The following AP1G1 variants were observed in gnomAD, a reference collection of about 807,000 sequenced individuals.
AP1G1 encodes the protein AP-1 complex subunit gamma-1.
A neutral mutation model predicts 108.3 loss-of-function variants in AP1G1; 7 were observed. The observed-to-expected ratio is 0.06, with a 90% CI of 0.04 to 0.12. The LOEUF is 0.12. Among genes scored for constraint, AP1G1 ranks in the 10% least tolerant of loss-of-function variants. The probability of loss-of-function intolerance (pLI) is 1.00; values close to 1 mark genes in which losing one functional copy is unlikely to be tolerated. For synonymous variants in AP1G1, 379 were observed against 353.5 expected (o/e 1.07, Z -0.81); for missense variants, 756 against 1,010.7 (o/e 0.75, Z 3.42).
intron 2 of AP1G1, among the ~76,000 whole-genome samples, chr16:71,778,807 A>G (rs2031889541): frequency 6.6e-6 from 1 of 152,222 alleles, no homozygotes. Flanking sequence ...AAAGGAGGGC[A>G]TCCGTTTTTC....
intron 1 of AP1G1, chr16:71,807,779 C>T: frequency 7.8e-7 from 1 of 1,283,940 alleles, no homozygotes; most frequent in South Asian, 1.2e-5. Context: ...TGTAAAGCAG[C>T]CCAACTCTCC....
intron 2 of AP1G1, among the ~76,000 whole-genome samples, chr16:71,783,730 C>G (rs1191893636): frequency 6.6e-6 from 1 of 152,128 alleles, no homozygotes; most frequent in Admixed American, 6.5e-5. Context: ...AAGCAGCACA[C>G]TACTGACATA....
At chr16:71,742,796 C>G (rs1346979446) in intron 19 of AP1G1, 1 of 151,936 alleles carries the variant, frequency 6.6e-6, no homozygotes, top group East Asian at 1.9e-4. Flanking sequence ...ATGGTGAAAC[C>G]CCATCTCTAA....
chr16:71,780,275 C>G (rs1176712670), intron 2 of AP1G1, among the ~76,000 whole-genome samples: 2 of 151,904 alleles, frequency 1.3e-5, no homozygotes, highest in Admixed American at 6.6e-5. Flanking sequence ...AGGCGTGAGC[C>G]ACCGCGCCGG....
intron 6 of AP1G1, among the ~76,000 whole-genome samples, chr16:71,768,722 T>G (rs1427558405): frequency 6.7e-6 from 1 of 148,310 alleles, no homozygotes; most frequent in Admixed American, 6.8e-5. Flanking sequence ...AAGACCATCC[T>G]GGCTAACACA....
At position 71,750,317 on chromosome 16, in the gene AP1G1, G is replaced by C; in HGVS notation, c.1300C>G (p.Arg434Gly). Reference protein sequence around the residue: ...RVLTTAGSYVRDDAVPNLIQL... With the variant: ...RVLTTAGSYVGDDAVPNLIQL... ...ATTAAATTGGGGACTGCATCATCAC[G>C]AACATAACTTCCTGCCTAAAAGGAA... is the stretch of plus-strand genomic sequence containing the variant. The change falls in exon 14 of 23, where the codon CGT becomes GGT. Residue 434 changes from arginine (R) to glycine (G), a missense_variant. Arg to Gly is a moderately radical substitution (Grantham distance 125). Transcript: ENST00000299980. 1.2e-6 allele frequency: 2 copies of C among 1,613,888 alleles called. No homozygotes were observed. The highest frequency in any genetic ancestry group is 1.7e-6 in the Non-Finnish European group (2 of 1,179,940).
chr16:71,780,883 G>A (rs1397472884), intron 2 of AP1G1, among the ~76,000 whole-genome samples: 1 of 149,408 alleles, frequency 6.7e-6, no homozygotes, highest in African/African-American at 2.5e-5. Context: ...GGGTTTCACC[G>A]TATTGCCCTG....
chr16:71,738,977 T>C lies in AP1G1; in HGVS notation c.2233A>G (p.Met745Val). ...GCAGCTTGGAAAACAAAGTCCGTCATATCTAGCTCTGTGCTGTTGGAGGCC... is the reference window on the plus strand; with the variant it reads ...GCAGCTTGGAAAACAAAGTCCGTCACATCTAGCTCTGTGCTGTTGGAGGCC... Reference protein sequence around the residue: ...IQASNSTELDMTDFVFQAAVP... With the variant: ...IQASNSTELDVTDFVFQAAVP... Residue 745 changes from methionine to valine, a missense_variant, in exon 21 of 23, where the codon ATG becomes GTG. This residue lies in a region of AP1G1 where 95 missense variants were observed against 160.5 expected (regional missense o/e 0.59). Coordinates refer to ENST00000299980, the MANE Select transcript of AP1G1 (RefSeq NM_001128.6). The C allele has an allele frequency of 1.2e-6, 2 of 1,614,138 alleles. No homozygotes were observed. Among genetic ancestry groups the C allele is most frequent in the Non-Finnish European group, 1.7e-6 (2 of 1,180,004 alleles).
intron 19 of AP1G1, among the ~76,000 whole-genome samples, chr16:71,740,509 T>C (rs776324118): frequency 1.3e-5 from 2 of 152,350 alleles, no homozygotes; most frequent in South Asian, 2.1e-4. Flanking sequence ...ATGTCTGTCA[T>C]CTTGATAATG....
intron 21 of AP1G1, among the ~76,000 whole-genome samples, chr16:71,736,537 C>T (rs1303262832): frequency 1.4e-5 from 2 of 147,478 alleles, no homozygotes; most frequent in Admixed American, 6.8e-5. Context: ...CCCGCCACCA[C>T]GCCCGGCTAA....
chr16:71,798,902 AAAG>A (rs1054179045), intron 1 of AP1G1, among the ~76,000 whole-genome samples: 1 of 152,130 alleles, frequency 6.6e-6, no homozygotes, highest in African/African-American at 2.4e-5. Flanking sequence ...GGAAAAAAAA[AAAG>A]GATAAATGAA....
chr16:71,760,101 G>A (rs564268001), intron 10 of AP1G1, among the ~76,000 whole-genome samples: 173 of 152,186 alleles, frequency 1.1e-3, no homozygotes, highest in African/African-American at 4.0e-3. Flanking sequence ...AAACTCTTGG[G>A]CTCAAGCGTT....
chr16:71,744,645 G>A (rs536163553), intron 19 of AP1G1, among the ~76,000 whole-genome samples: 10 of 138,216 alleles, frequency 7.2e-5, no homozygotes, highest in South Asian at 2.3e-4. Flanking sequence ...GCGCGATCTC[G>A]GCTCACTGCA....
chr16:71,768,911 C>CT (rs1319981144), intron 6 of AP1G1, among the ~76,000 whole-genome samples: 1 of 79,438 alleles, frequency 1.3e-5, no homozygotes, highest in African/African-American at 5.6e-5. Flanking sequence ...GAGCAAGACT[C>CT]TGTCTCAAAA....
chr16:71,806,727 T>C, intron 1 of AP1G1: 1 of 1,287,756 alleles, frequency 7.8e-7, no homozygotes, highest in Non-Finnish European at 1.0e-6. Context: ...GTTTGACAGT[T>C]CCTTTAAACC....
At chr16:71,755,926 G>A (rs2030762801) in intron 12 of AP1G1, 93 bp downstream of exon 12, 4 of 1,401,864 alleles carry the variant, frequency 2.9e-6, no homozygotes, top group Non-Finnish European at 3.9e-6. Flanking sequence ...CTGCAGGCGT[G>A]TGCCACCGCG....
rs1449360876 is a variant in AP1G1, at chr16:71,771,136, A to G, written c.565+20T>C. On this transcript the variant is annotated intron_variant, in intron 5 of 22. Transcript: ENST00000299980. ...CCCTTTCTCCCTCAATACTTCATGA[A>G]TACATCCAAATTACATTACCATGGT... 3 of 1,450,404 alleles carry G rather than the reference A, an allele frequency of 2.1e-6. No homozygotes were observed. Among genetic ancestry groups the G allele is most frequent in the East Asian group, 2.3e-5 (1 of 44,080 alleles). The allele number at this position is 1,450,404 out of a possible 1,614,324, so 89.8% of individuals were successfully genotyped here. A position where few individuals can be genotyped will look rare whatever the true frequency, so the allele number is the denominator to read the frequency against.
chr16:71,764,319 G>T, intron 9 of AP1G1, 31 bp downstream of exon 9: 1 of 1,349,412 alleles, frequency 7.4e-7, no homozygotes, highest in Non-Finnish European at 1.0e-6. Context: ...GAAACATTTA[G>T]GGGGGGAAGA....
chr16:71,756,979 A>G (rs1391488842), intron 11 of AP1G1, among the ~76,000 whole-genome samples: 1 of 149,372 alleles, frequency 6.7e-6, no homozygotes, highest in Non-Finnish European at 1.5e-5. Flanking sequence ...CATGAGAAGG[A>G]AAAAAAAAAT....
Sources: gnomAD v4.1 joint callset for allele counts (sites outside exome capture counted in the v4.1 genomes callset) on GRCh38, gnomAD v4.1.1 for gene constraint, gnomAD v4.1.1 regional missense constraint, MANE v1.5 for transcripts, NCBI Gene and HGNC (gene_info 2026-07-23, HGNC 2026-07-21) for gene names.